THRB: variants seen among roughly 807,000 people sequenced by gnomAD.
The protein encoded by THRB is nuclear receptor subfamily 1 group A member 2.
In THRB, 12 loss-of-function variants were observed where a neutral mutation model predicts 47.8. The ratio of observed to expected loss-of-function variants is 0.25; its 90% confidence interval spans 0.16 to 0.41. The LOEUF is 0.41. THRB is among the 10% of genes least tolerant of loss of function. The probability of loss-of-function intolerance (pLI) is 1.00; values close to 1 mark genes in which losing one functional copy is unlikely to be tolerated. For synonymous variants in THRB, 218 were observed against 212.2 expected, an observed-to-expected ratio of 1.03 and a Z score of -0.24; for missense variants, 348 against 589.2, an observed-to-expected ratio of 0.59 and a Z score of 4.24.
At chr3:24,176,281 A>ATAAT (rs1186862518) in intron 5 of THRB, among the ~76,000 whole-genome samples, 1 of 152,174 alleles carries the variant, frequency 6.6e-6, no homozygotes, top group African/African-American at 2.4e-5. Flanking sequence ...ATGTGTTAAG[A>ATAAT]TAATTATTTC....
intron 1 of THRB, among the ~76,000 whole-genome samples, chr3:24,342,284 C>T (rs1188168631): frequency 6.6e-6 from 1 of 151,872 alleles, no homozygotes; most frequent in Non-Finnish European, 1.5e-5. Flanking sequence ...AGTATTTAAA[C>T]AGAAAGAGAA....
In THRB at chr3:24,297,714, G is replaced by C. The variant is rs2056565443; in HGVS notation, c.-188-343C>G. On this transcript the variant is annotated intron_variant, in intron 2 of 10. Coordinates refer to ENST00000646209, the MANE Select transcript of THRB (RefSeq NM_001354712.2). ...TTCCAAACTCCTTCCCTCTGTTTTA[G>C]AGAGCTGTTCCACACTTGATGCTGC... Among the ~76,000 whole-genome samples, 2 of 152,216 alleles carry C rather than the reference G, an allele frequency of 1.3e-5. 1 individual carries two copies. Among genetic ancestry groups the C allele is most frequent in the South Asian group, 4.1e-4 (2 of 4,836 alleles).
At chr3:24,248,547 T>G (rs1459819278) in intron 3 of THRB, among the ~76,000 whole-genome samples, 1 of 152,184 alleles carries the variant, frequency 6.6e-6, no homozygotes, top group Admixed American at 6.5e-5. Context: ...TATTCTGTGA[T>G]GCTGGGGCTG....
chr3:24,476,233 G>T (rs1017451879), intron 1 of THRB, among the ~76,000 whole-genome samples: 1 of 152,184 alleles, frequency 6.6e-6, no homozygotes, highest in Non-Finnish European at 1.5e-5. Flanking sequence ...GACTCTCCAA[G>T]GGTTCTCTGA....
chr3:24,233,498 GGAAGA>G (rs1221639142), intron 3 of THRB, among the ~76,000 whole-genome samples: 144 of 64,048 alleles, frequency 2.2e-3, no homozygotes, highest in Admixed American at 5.0e-3. Flanking sequence ...AAAAAAGAAA[GGAAGA>G]AAGAAAGAAG....
intron 1 of THRB, among the ~76,000 whole-genome samples, chr3:24,356,617 A>G (rs185216381): frequency 6.6e-6 from 1 of 152,250 alleles, no homozygotes; most frequent in East Asian, 1.9e-4. Flanking sequence ...CTATAATTCT[A>G]GCATACACCT....
chr3:24,364,123 T>C (rs2064279087), intron 1 of THRB, among the ~76,000 whole-genome samples: 1 of 152,144 alleles, frequency 6.6e-6, no homozygotes, highest in Admixed American at 6.6e-5. Flanking sequence ...TTAATATAAA[T>C]GTTTATTCAT....
chr3:24,244,489 T>G (rs2049907815), intron 3 of THRB, among the ~76,000 whole-genome samples: 1 of 152,198 alleles, frequency 6.6e-6, no homozygotes, highest in Non-Finnish European at 1.5e-5. Context: ...GATCAAGGCC[T>G]ACCTCAAGAG....
chr3:24,438,313 A>G (rs1368929401), intron 1 of THRB, among the ~76,000 whole-genome samples: 1 of 152,118 alleles, frequency 6.6e-6, no homozygotes, highest in Admixed American at 6.5e-5. Context: ...TACAAGAAAG[A>G]CATCTAGAGA....
rs546811935 is a variant in THRB, at chr3:24,374,492, A to G, written c.-260-37121T>C. 2.0e-4 allele frequency among the ~76,000 whole-genome samples: 30 copies of G among 152,266 alleles called. No homozygotes were observed. The South Asian group carries it at 6.2e-3, about 32-fold the overall frequency. ...TATTTACAATGTTGTTTTAAAGACG[A>G]CTAAAATGTTACATAACTTCTTGTT... is the stretch of plus-strand genomic sequence containing the variant. On this transcript the variant is annotated intron_variant, in intron 1 of 10. Coordinates refer to ENST00000646209, the MANE Select transcript of THRB (RefSeq NM_001354712.2).
intron 3 of THRB, among the ~76,000 whole-genome samples, chr3:24,264,420 G>A (rs1273559356): frequency 1.3e-5 from 2 of 152,080 alleles, no homozygotes; most frequent in Non-Finnish European, 2.9e-5. Flanking sequence ...TTCCTGAAAA[G>A]TTGCAGACAA....
chr3:24,129,337 C>T (rs1172101595), intron 9 of THRB, among the ~76,000 whole-genome samples: 1 of 152,202 alleles, frequency 6.6e-6, no homozygotes, highest in African/African-American at 2.4e-5. Flanking sequence ...ACAGATCCCA[C>T]TCTTGAGAAC....
intron 1 of THRB, among the ~76,000 whole-genome samples, chr3:24,396,334 G>C (rs935532261): frequency 6.6e-6 from 1 of 152,020 alleles, no homozygotes; most frequent in African/African-American, 2.4e-5. Context: ...GTAGAACCCA[G>C]ACATTTTTTC....
chr3:24,385,940 T>C (rs1461719622), intron 1 of THRB, among the ~76,000 whole-genome samples: 2 of 152,034 alleles, frequency 1.3e-5, no homozygotes, highest in Admixed American at 6.5e-5. Context: ...GGCAGGTTAC[T>C]TCATGTGAAA....
intron 1 of THRB, among the ~76,000 whole-genome samples, chr3:24,399,605 G>A (rs527371730): frequency 5.9e-5 from 9 of 152,170 alleles, no homozygotes; most frequent in South Asian, 2.1e-4. Flanking sequence ...AGGAAGGCAC[G>A]GGTCTGTGTA....
At chr3:24,275,230 T>C (rs888041176) in intron 3 of THRB, among the ~76,000 whole-genome samples, 18 of 152,298 alleles carry the variant, frequency 1.2e-4, no homozygotes, top group African/African-American at 3.9e-4. Flanking sequence ...AGATTTATAG[T>C]CTTGAAAAAC....
At chr3:24,144,757 GA>G (rs1013142301) in intron 7 of THRB, 1 of 152,078 alleles carries the variant, frequency 6.6e-6, no homozygotes, top group Non-Finnish European at 1.5e-5. Flanking sequence ...ACAGAAAGAA[GA>G]AGAAATTGAT....
At chr3:24,388,971 A>G (rs750697279) in intron 1 of THRB, among the ~76,000 whole-genome samples, 1 of 152,144 alleles carries the variant, frequency 6.6e-6, no homozygotes, top group Non-Finnish European at 1.5e-5. Context: ...TTGCTAAGTG[A>G]ATAAAATTTT....
At chr3:24,286,705 A>G (rs1197920085) in intron 3 of THRB, among the ~76,000 whole-genome samples, 1 of 152,228 alleles carries the variant, frequency 6.6e-6, no homozygotes, top group Non-Finnish European at 1.5e-5. Flanking sequence ...CAGTAACCAT[A>G]GTATGACTAG....
Sources: allele counts gnomAD v4.1 joint callset (sites outside exome capture counted in the v4.1 genomes callset), GRCh38; gene constraint gnomAD v4.1.1; transcripts MANE v1.5; gene names NCBI Gene and HGNC (gene_info 2026-07-23, HGNC 2026-07-21).